The following RASEF variants were observed in gnomAD, a reference collection of about 807,000 sequenced individuals.
The protein encoded by RASEF is RAS and EF-hand domain containing.
Under a neutral mutation model 90.1 loss-of-function variants are expected in RASEF, and 68 were observed. The ratio of observed to expected loss-of-function variants is 0.75; its 90% CI spans 0.62 to 0.92. RASEF has a LOEUF of 0.92. Among genes scored for constraint, RASEF ranks in the 40% least tolerant of loss-of-function variants. The probability of loss-of-function intolerance (pLI) is 0.00; values close to 1 mark genes in which losing one functional copy is unlikely to be tolerated. For synonymous variants in RASEF, 331 were observed against 345.2 expected (o/e 0.96, Z 0.46); for missense variants, 949 against 937.2 (o/e 1.01, Z -0.16).
At chr9:83,156,242 G>C in the RASEF span, among the ~76,000 whole-genome samples, 9 of 152,066 alleles carry the variant, frequency 5.9e-5, no homozygotes, top group African/African-American at 1.9e-4. Context: ...CCCTCCTCAA[G>C]CCCATGGTCA....
At chr9:83,139,141 A>C in the RASEF span, among the ~76,000 whole-genome samples, 35 of 152,294 alleles carry the variant, frequency 2.3e-4, no homozygotes, top group African/African-American at 8.4e-4. Flanking sequence ...CCTTATCATA[A>C]GAGTAGGGAG....
Position 82,981,970 on chromosome 9 carries a change from A to G in RASEF, c.*707T>C, listed in dbSNP as rs1828612179. On this transcript the variant is annotated 3_prime_UTR_variant, in exon 17 of 17. Coordinates refer to ENST00000376447, the MANE Select transcript of RASEF (RefSeq NM_152573.4). ...ATTTTTGTCTCAAACATGTTTCTTT[A>G]TACATAAAAAATAGATATTTCTGTT... The G allele has an allele frequency of 6.6e-6, 1 of 152,248 alleles. No individual in the cohort carries two copies. Among genetic ancestry groups the G allele is most frequent in the African/African-American group, 2.4e-5 (1 of 41,460 alleles). 9.4% of individuals were successfully genotyped at this position (152,248 alleles called of 1,614,324 possible).
At chr9:83,138,945 C>T in the RASEF span, among the ~76,000 whole-genome samples, 1 of 152,198 alleles carries the variant, frequency 6.6e-6, no homozygotes, top group Non-Finnish European at 1.5e-5. Flanking sequence ...CATGAAATGA[C>T]ACACAATTAT....
At position 83,004,585 on chromosome 9, in the gene RASEF, T is replaced by C; in HGVS notation, c.1115A>G (p.His372Arg). 6 of 1,518,566 alleles carry C rather than the reference T, an allele frequency of 4.0e-6. No individual in the cohort carries two copies. Among genetic ancestry groups the C allele is most frequent in the Non-Finnish European group, 5.5e-6 (6 of 1,093,194 alleles). The allele number at this position is 1,518,566 out of a possible 1,614,324, so 94.1% of individuals were successfully genotyped here. The stretch of plus-strand genomic sequence containing the variant: ...ATTCCCTGGTGAGATATTATTTATA[T>C]GCTGTAATATAGAAGTAATCATTTG... ...NSYSKFNRSL[H>R]INNISPGNTI... Residue 372 changes from histidine (H) to arginine (R), a missense_variant and splice_region_variant, in exon 9 of 17, where the codon CAT becomes CGT. His to Arg is a conservative substitution (Grantham distance 29). Transcript: ENST00000376447.
chr9:83,099,356 T>C, the RASEF span, among the ~76,000 whole-genome samples: 1 of 152,156 alleles, frequency 6.6e-6, no homozygotes, highest in Non-Finnish European at 1.5e-5. Context: ...TCAGAGAACA[T>C]CACAGAAAGG....
intron 1 of RASEF, among the ~76,000 whole-genome samples, chr9:83,056,673 C>G (rs1457350381): frequency 1.3e-5 from 2 of 152,176 alleles, no homozygotes; most frequent in Non-Finnish European, 2.9e-5. Context: ...CTGAATTTAA[C>G]AGTAGTTTTG....
At chr9:82,983,636 C>T (rs182551940) in intron 16 of RASEF, among the ~76,000 whole-genome samples, 162 of 152,314 alleles carry the variant, frequency 1.1e-3, no homozygotes, top group Middle Eastern at 3.4e-3. Flanking sequence ...AAGGTTTGAT[C>T]CCCTACCCTC....
chr9:83,064,973 C>T (rs553950029), upstream of RASEF, among the ~76,000 whole-genome samples: 76 of 152,210 alleles, frequency 5.0e-4, no homozygotes, highest in African/African-American at 1.6e-3. Flanking sequence ...ATAGCTGAGG[C>T]AGGAGAATCA....
the RASEF span, among the ~76,000 whole-genome samples, chr9:83,169,122 T>C: frequency 6.6e-6 from 1 of 152,008 alleles, no homozygotes; most frequent in African/African-American, 2.4e-5. Context: ...ACAAGCAATA[T>C]TTGTCTTTCA....
At chr9:83,177,728 T>G in the RASEF span, among the ~76,000 whole-genome samples, 4 of 152,116 alleles carry the variant, frequency 2.6e-5, no homozygotes, top group Non-Finnish European at 4.4e-5. Context: ...TGTGTGTGGG[T>G]CTTTTCGTAT....
chr9:83,064,639 G>A (rs1396523735), upstream of RASEF, among the ~76,000 whole-genome samples: 1 of 152,164 alleles, frequency 6.6e-6, no homozygotes, highest in East Asian at 1.9e-4. Context: ...AGGAAGAAGT[G>A]CTTTTTTGAA....
At chr9:83,060,655 T>C (rs1396278961) in intron 1 of RASEF, among the ~76,000 whole-genome samples, 3 of 152,178 alleles carry the variant, frequency 2.0e-5, no homozygotes, top group African/African-American at 7.2e-5. Context: ...TCAACAGCTG[T>C]ATGAGGAAGT....
the RASEF span, among the ~76,000 whole-genome samples, chr9:83,105,545 G>C: frequency 6.6e-6 from 1 of 152,264 alleles, no homozygotes; most frequent in East Asian, 1.9e-4. Flanking sequence ...TAATCTAACA[G>C]AAGTGATTAA....
intron 5 of RASEF, among the ~76,000 whole-genome samples, chr9:83,011,865 A>G (rs940555993): frequency 1.3e-5 from 2 of 152,196 alleles, no homozygotes; most frequent in Non-Finnish European, 2.9e-5. Flanking sequence ...AGAGATAATA[A>G]ATGGAGAGAA....
intron 1 of RASEF, chr9:83,048,015 C>G (rs1191591697): frequency 1.6e-6 from 1 of 617,936 alleles, no homozygotes; most frequent in Admixed American, 6.3e-5. Context: ...AGCTGCTGTC[C>G]AGAGCTGAAA....
At chr9:83,061,308 T>C (rs955971861) in intron 1 of RASEF, among the ~76,000 whole-genome samples, 1 of 152,024 alleles carries the variant, frequency 6.6e-6, no homozygotes, top group African/African-American at 2.4e-5. Flanking sequence ...GAGGGAGAAG[T>C]TGGGAGGAGA....
At chr9:83,058,004 C>T (rs1258376726) in intron 1 of RASEF, among the ~76,000 whole-genome samples, 3 of 150,766 alleles carry the variant, frequency 2.0e-5, no homozygotes, top group Non-Finnish European at 4.4e-5. Context: ...GGCCACCTTT[C>T]TACTAAGTGG....
intron 2 of RASEF, among the ~76,000 whole-genome samples, chr9:83,023,236 A>C (rs1479942215): frequency 6.6e-6 from 1 of 152,184 alleles, no homozygotes; most frequent in African/African-American, 2.4e-5. Flanking sequence ...TGTCCCCTAA[A>C]GTTCTAGAAT....
chr9:83,143,080 A>C, the RASEF span, among the ~76,000 whole-genome samples: 25 of 152,180 alleles, frequency 1.6e-4, no homozygotes, highest in Non-Finnish European at 2.9e-4. Flanking sequence ...TATGGACTAG[A>C]TTCTGGGCTG....
Sources: allele counts gnomAD v4.1 joint callset (sites outside exome capture counted in the v4.1 genomes callset), GRCh38; gene constraint gnomAD v4.1.1; transcripts MANE v1.5; gene names NCBI Gene and HGNC (gene_info 2026-07-23, HGNC 2026-07-21).